GRID2: variants seen among roughly 807,000 people sequenced by gnomAD.
GRID2 encodes the protein glutamate ionotropic receptor delta type subunit 2.
GRID2 carries 33 observed loss-of-function variants against 114.8 expected under a neutral mutation model. The observed-to-expected ratio is 0.29, with a 90% CI of 0.22 to 0.38. The LOEUF (loss-of-function observed/expected upper bound fraction) is 0.38, where lower values mean the gene tolerates loss of function less well. Among genes scored for constraint, GRID2 ranks in the 10% least tolerant of loss-of-function variants. The pLI, the probability that GRID2 is intolerant of heterozygous loss-of-function variation, is 1.00. For synonymous variants in GRID2, 505 were observed against 449.9 expected (o/e 1.12, Z -1.55); for missense variants, 1,184 against 1,257.7 (o/e 0.94, Z 0.89).
At chr4:92,467,724 CAAATT>C (rs1173690293) in intron 1 of GRID2, among the ~76,000 whole-genome samples, 1 of 151,756 alleles carries the variant, frequency 6.6e-6, no homozygotes, top group Non-Finnish European at 1.5e-5. Context: ...AACGAACACT[CAAATT>C]AATGTGTACA....
At chr4:92,360,321 C>G (rs1472223460) in intron 1 of GRID2, among the ~76,000 whole-genome samples, 2 of 151,894 alleles carry the variant, frequency 1.3e-5, no homozygotes, top group African/African-American at 4.8e-5. Flanking sequence ...GGGATACACC[C>G]CCACCACTCC....
At chr4:93,123,835 G>A (rs1734012113) in intron 4 of GRID2, among the ~76,000 whole-genome samples, 1 of 151,928 alleles carries the variant, frequency 6.6e-6, no homozygotes, top group Non-Finnish European at 1.5e-5. Flanking sequence ...TCTTCTCAAA[G>A]CAAGTCTAGA....
chr4:92,572,038 C>A (rs184417268), intron 1 of GRID2, among the ~76,000 whole-genome samples: 3,532 of 152,044 alleles, frequency 0.023, 133 homozygotes, highest in African/African-American at 0.079. Flanking sequence ...AAGATCAGAG[C>A]AGAACTGAAG....
At chr4:93,236,445 A>G (rs1328032327) in intron 7 of GRID2, among the ~76,000 whole-genome samples, 6 of 152,042 alleles carry the variant, frequency 3.9e-5, no homozygotes, top group East Asian at 3.9e-4. Flanking sequence ...ATTATGAAAC[A>G]TTTCCATTTT....
intron 2 of GRID2, among the ~76,000 whole-genome samples, chr4:93,083,176 A>T (rs1272464886): frequency 6.6e-6 from 1 of 152,116 alleles, no homozygotes; most frequent in Non-Finnish European, 1.5e-5. Context: ...TACAAACCAA[A>T]ATCTCTTCTA....
intron 8 of GRID2, among the ~76,000 whole-genome samples, chr4:93,279,886 T>C (rs1752473117): frequency 6.6e-6 from 1 of 151,966 alleles, no homozygotes; most frequent in African/African-American, 2.4e-5. Context: ...CTGGAAAAAT[T>C]AGTTTCCATT....
intron 1 of GRID2, among the ~76,000 whole-genome samples, chr4:92,422,270 G>A (rs375624626): frequency 5.9e-5 from 9 of 152,040 alleles, no homozygotes; most frequent in East Asian, 3.9e-4. Context: ...GAAATGGAGA[G>A]TTCTAGGAGC....
intron 2 of GRID2, among the ~76,000 whole-genome samples, chr4:92,704,711 CTCTCTCTCTCTT>C (rs1178827907): frequency 1.8e-4 from 26 of 147,582 alleles, no homozygotes; most frequent in African/African-American, 6.0e-4. Context: ...ATCTCTCTCT[CTCTCTCTCTCTT>C]TCTCTCTCTC....
chr4:92,312,418 A>G (rs1272624309), intron 1 of GRID2, among the ~76,000 whole-genome samples: 1 of 152,106 alleles, frequency 6.6e-6, no homozygotes, highest in Non-Finnish European at 1.5e-5. Flanking sequence ...AGCTAAATGT[A>G]CAGTTATCAG....
At chr4:92,870,462 G>A (rs1745196546) in intron 2 of GRID2, among the ~76,000 whole-genome samples, 1 of 152,034 alleles carries the variant, frequency 6.6e-6, no homozygotes, top group African/African-American at 2.4e-5. Flanking sequence ...TACTTTGGAA[G>A]TGTTTCCAAA....
intron 13 of GRID2, 35 bp downstream of exon 13, chr4:93,515,446 C>G (rs1729622728): frequency 7.6e-7 from 1 of 1,319,586 alleles, no homozygotes; most frequent in Admixed American, 1.9e-5. Context: ...TAGTCCTTAC[C>G]ATTTTGTGTC....
At chr4:93,084,938 A>C in intron 2 of GRID2, 57 bp from the exon 3 acceptor site, 1 of 1,417,974 alleles carries the variant, frequency 7.1e-7, no homozygotes, top group South Asian at 1.2e-5. Context: ...GCTTCTCAAA[A>C]AGGGAAAACT....
At chr4:93,235,722 C>T (rs979942322) in intron 7 of GRID2, among the ~76,000 whole-genome samples, 1 of 151,964 alleles carries the variant, frequency 6.6e-6, no homozygotes, top group Non-Finnish European at 1.5e-5. Flanking sequence ...TAAAGTTGAG[C>T]AAGGTAAGTA....
intron 1 of GRID2, among the ~76,000 whole-genome samples, chr4:92,415,748 A>ATG (rs1289697735): frequency 1.2e-5 from 1 of 83,338 alleles, no homozygotes; most frequent in Non-Finnish European, 2.2e-5. Context: ...GTGTATATAT[A>ATG]TATATATATA....
chr4:92,634,109 A>C (rs1179293835), intron 2 of GRID2, among the ~76,000 whole-genome samples: 1 of 149,332 alleles, frequency 6.7e-6, no homozygotes. Flanking sequence ...AGAAAACAAA[A>C]ATTGCAAAAA....
At chr4:93,152,174 A>G (rs898193947) in intron 4 of GRID2, among the ~76,000 whole-genome samples, 2 of 152,172 alleles carry the variant, frequency 1.3e-5, no homozygotes, top group African/African-American at 2.4e-5. Flanking sequence ...TAATATAATT[A>G]ACTCTTCACA....
chr4:93,044,294 T>C (rs941843732), intron 2 of GRID2, among the ~76,000 whole-genome samples: 2 of 152,142 alleles, frequency 1.3e-5, no homozygotes, highest in Admixed American at 1.3e-4. Flanking sequence ...CTTTGGAAGA[T>C]ATTTAGCAAT....
intron 13 of GRID2, among the ~76,000 whole-genome samples, chr4:93,593,048 T>A (rs1321678849): frequency 6.6e-6 from 1 of 151,954 alleles, no homozygotes; most frequent in Non-Finnish European, 1.5e-5. Context: ...GAGAATTTAG[T>A]CCATTTACAT....
rs191929171 is a variant in GRID2, at chr4:93,172,383, G to A, written c.736-35021G>A. On this transcript the variant is annotated intron_variant, in intron 4 of 15. Transcript: ENST00000282020. ...CCAGGCAGGCAGATCACAAGGCCAGGAGTTCGGGACCAGCCTGGCCAACAT... is the reference window on the plus strand; with the variant it reads ...CCAGGCAGGCAGATCACAAGGCCAGAAGTTCGGGACCAGCCTGGCCAACAT... Among the ~76,000 whole-genome samples the A allele has an allele frequency of 2.0e-3, 303 of 152,200 alleles. 1 individual carries two copies. Among genetic ancestry groups the A allele is most frequent in the African/African-American group, 6.9e-3 (285 of 41,532 alleles).
Sources: gnomAD v4.1 joint callset for allele counts (sites outside exome capture counted in the v4.1 genomes callset) on GRCh38, gnomAD v4.1.1 for gene constraint, MANE v1.5 for transcripts, NCBI Gene and HGNC (gene_info 2026-07-23, HGNC 2026-07-21) for gene names.